The following RAB35 variants were observed in gnomAD, a reference collection of about 807,000 sequenced individuals.
RAB35 encodes ras-related protein Rab-35.
In RAB35, 4 loss-of-function variants were observed where a neutral mutation model predicts 28.9. The ratio of observed to expected loss-of-function variants is 0.14; its 90% CI spans 0.07 to 0.32. The LOEUF is 0.32. Among genes scored for constraint, RAB35 ranks in the 10% least tolerant of loss-of-function variants. The pLI, the probability that RAB35 is intolerant of heterozygous loss-of-function variation, is 1.00. For missense variants in RAB35, 128 were observed against 274.0 expected (o/e 0.47, Z 3.76); for synonymous variants, 99 against 105.1 (o/e 0.94, Z 0.35).
chr12:120,112,121 C>T (rs185704386), intron 1 of RAB35, among the ~76,000 whole-genome samples: 329 of 152,160 alleles, frequency 2.2e-3, no homozygotes, highest in Non-Finnish European at 3.6e-3. Flanking sequence ...GGATTACAGG[C>T]GCCCGCCATC....
At chr12:120,112,920 C>T (rs1468296222) in intron 1 of RAB35, among the ~76,000 whole-genome samples, 3 of 148,174 alleles carry the variant, frequency 2.0e-5, no homozygotes, top group Non-Finnish European at 4.5e-5. Flanking sequence ...GATGAAGTCT[C>T]GCTCTTGTCC....
intron 1 of RAB35, among the ~76,000 whole-genome samples, chr12:120,116,245 G>A (rs1387434243): frequency 6.6e-6 from 1 of 152,208 alleles, no homozygotes; most frequent in Non-Finnish European, 1.5e-5. Flanking sequence ...AGGGAACTGA[G>A]GCTCAGGACG....
At chr12:120,116,270 C>T (rs1033929774) in intron 1 of RAB35, among the ~76,000 whole-genome samples, 3 of 152,144 alleles carry the variant, frequency 2.0e-5, no homozygotes, top group African/African-American at 7.2e-5. Context: ...AGCAACTTGC[C>T]CAAGGTCAGC....
At chr12:120,100,038 C>G (rs893683338) in intron 3 of RAB35, among the ~76,000 whole-genome samples, 2 of 152,254 alleles carry the variant, frequency 1.3e-5, no homozygotes, top group African/African-American at 2.4e-5. Flanking sequence ...GGACAGCACA[C>G]AGACAAACCA....
At position 120,106,859 on chromosome 12, in the gene RAB35, T is replaced by C. The variant is rs907267768; in HGVS notation, c.103+1558A>G. Among the ~76,000 whole-genome samples the C allele has an allele frequency of 4.6e-4, 70 of 151,810 alleles. 2 individuals carry two copies. Among genetic ancestry groups the C allele is most frequent in the Non-Finnish European group, 1.6e-4 (11 of 67,954 alleles). The stretch of plus-strand genomic sequence containing the variant: ...GCCTCGGCCTCCCAAAGTGCTAGGA[T>C]TACAGGCGTGAGCCACCGCGCCTGG... On this transcript the variant is annotated intron_variant, in intron 2 of 5. Coordinates refer to ENST00000229340, the MANE Select transcript of RAB35 (RefSeq NM_006861.7).
chr12:120,100,636 G>A (rs1875620246), intron 3 of RAB35, among the ~76,000 whole-genome samples: 1 of 152,116 alleles, frequency 6.6e-6, no homozygotes, highest in African/African-American at 2.4e-5. Flanking sequence ...ACCTGCCCCT[G>A]CCACCGCCCC....
In RAB35 at chr12:120,116,683, G is replaced by T. The variant is rs1054734056; in HGVS notation, c.-33C>A. On this transcript the variant is annotated 5_prime_UTR_variant, in exon 1 of 6. Coordinates refer to ENST00000229340, the MANE Select transcript of RAB35 (RefSeq NM_006861.7). Reference sequence around the variant, plus strand: ...GGGGGCGGTGCGCGCGGGCGGGCGGGGTCGGTACTGGCCTCGCGATCCGCA... The same window carrying T: ...GGGGGCGGTGCGCGCGGGCGGGCGGTGTCGGTACTGGCCTCGCGATCCGCA... 6.5e-6 allele frequency: 8 copies of T among 1,222,878 alleles called. No individual in the cohort carries two copies. Among genetic ancestry groups the T allele is most frequent in the African/African-American group, 1.6e-5 (1 of 63,890 alleles). 75.8% of individuals were successfully genotyped at this position (1,222,878 alleles called of 1,614,324 possible). A position where few individuals can be genotyped will look rare whatever the true frequency, so the allele number is the denominator to read the frequency against.
At chr12:120,111,223 G>A (rs188357609) in intron 1 of RAB35, among the ~76,000 whole-genome samples, 48 of 152,322 alleles carry the variant, frequency 3.2e-4, no homozygotes, top group Admixed American at 2.4e-3. Context: ...CCTAAGCAGG[G>A]GTTTCCAAAC....
At chr12:120,097,976 C>T (rs1018394252) in intron 5 of RAB35, among the ~76,000 whole-genome samples, 4 of 151,538 alleles carry the variant, frequency 2.6e-5, no homozygotes, top group African/African-American at 9.7e-5. Flanking sequence ...CTCTGCCTCC[C>T]TGGTTCACAC....
At chr12:120,113,193 T>A (rs960314266) in intron 1 of RAB35, among the ~76,000 whole-genome samples, 11 of 73,830 alleles carry the variant, frequency 1.5e-4, no homozygotes, top group Admixed American at 3.3e-4. Context: ...TGCCCGGCCT[T>A]TTTTTTTTTT....
In RAB35 at chr12:120,108,334, GGCAAC is replaced by G; in HGVS notation, c.103+78_103+82del. ...GAGACAGTTCCCAACATCAGGCAGAGGCAACTCTGTTTGGTGCCAGGGAGGGGATG... is the reference window on the plus strand; with the variant it reads ...GAGACAGTTCCCAACATCAGGCAGAGTCTGTTTGGTGCCAGGGAGGGGATG... On this transcript the variant is annotated intron_variant, in intron 2 of 5. Coordinates refer to ENST00000229340, the MANE Select transcript of RAB35 (RefSeq NM_006861.7). 5.7e-6 allele frequency: 8 copies of G among 1,403,734 alleles called. 1 individual carries two copies. The South Asian group carries it at 8.3e-5, about 14-fold the overall frequency. 87.0% of individuals were successfully genotyped at this position (1,403,734 alleles called of 1,614,324 possible). A position where few individuals can be genotyped will look rare whatever the true frequency, so the allele number is the denominator to read the frequency against.
At chr12:120,097,810 G>C (rs1312761788) in intron 5 of RAB35, among the ~76,000 whole-genome samples, 1 of 151,826 alleles carries the variant, frequency 6.6e-6, no homozygotes, top group African/African-American at 2.4e-5. Flanking sequence ...TGGACTTGGG[G>C]AAGTCAATCT....
intron 1 of RAB35, among the ~76,000 whole-genome samples, chr12:120,113,675 G>A (rs561066474): frequency 8.5e-4 from 129 of 152,154 alleles, no homozygotes; most frequent in Admixed American, 8.2e-3. Flanking sequence ...AAGATTAGCC[G>A]GGCATGGTGG....
At position 120,099,159 on chromosome 12, in the gene RAB35, A is replaced by G. The variant is rs1875556094; in HGVS notation, c.228-5T>C. On this transcript the variant is annotated splice_polypyrimidine_tract_variant and splice_region_variant and intron_variant, in intron 3 of 5. Coordinates refer to ENST00000229340, the MANE Select transcript of RAB35 (RefSeq NM_006861.7). ...CCGTGGGTCCCCCGATAATACCTGCAGGGCCAGAGTGTGCGGCAGCATGTC... is the reference window on the plus strand; with the variant it reads ...CCGTGGGTCCCCCGATAATACCTGCGGGGCCAGAGTGTGCGGCAGCATGTC... 1.2e-6 allele frequency: 2 copies of G among 1,614,064 alleles called. No individual in the cohort carries two copies. Among genetic ancestry groups the G allele is most frequent in the African/African-American group, 1.3e-5 (1 of 74,956 alleles).
chr12:120,099,251 G>C (rs1460656991), intron 3 of RAB35, 97 bp from the exon 4 acceptor site: 30 of 1,514,938 alleles, frequency 2.0e-5, no homozygotes, highest in Non-Finnish European at 2.6e-5. Context: ...ACCCGGAAAA[G>C]GTGAGGGTGG....
intron 1 of RAB35, among the ~76,000 whole-genome samples, chr12:120,111,911 C>T (rs1002946392): frequency 1.3e-5 from 2 of 152,122 alleles, no homozygotes; most frequent in African/African-American, 4.8e-5. Flanking sequence ...CACCCACCAA[C>T]CTTCACCACA....
At chr12:120,112,076 A>G (rs962014633) in intron 1 of RAB35, among the ~76,000 whole-genome samples, 10 of 151,792 alleles carry the variant, frequency 6.6e-5, no homozygotes, top group Middle Eastern at 3.4e-3. Context: ...TCCCAGATTC[A>G]AGCGATTCTC....
rs560782603 is a variant in RAB35 at position 120,095,271 on chromosome 12, A to G, written c.*1974T>C. 2.7e-5 allele frequency: 4 copies of G among 146,548 alleles called. No homozygotes were observed. Among genetic ancestry groups the G allele is most frequent in the Non-Finnish European group, 6.0e-5 (4 of 66,162 alleles). The allele number at this position is 146,548 out of a possible 1,614,324, so 9.1% of individuals were successfully genotyped here. ...CCTGAGTCCCCACCCCCACCCCATA[A>G]CCCCCATTCATGCGTGTAACAGTGG... is the stretch of plus-strand genomic sequence containing the variant. On this transcript the variant is annotated 3_prime_UTR_variant, in exon 6 of 6. Coordinates refer to ENST00000229340, the MANE Select transcript of RAB35 (RefSeq NM_006861.7).
At chr12:120,108,276 C>T in intron 2 of RAB35, 141 bp downstream of exon 2, 1 of 833,338 alleles carries the variant, frequency 1.2e-6, no homozygotes, top group African/African-American at 1.7e-5. Flanking sequence ...CTAAGCCCCA[C>T]TCCATCTTCT....
Sources: gnomAD v4.1 joint callset for allele counts (sites outside exome capture counted in the v4.1 genomes callset) on GRCh38, gnomAD v4.1.1 for gene constraint, MANE v1.5 for transcripts, NCBI Gene and HGNC (gene_info 2026-07-23, HGNC 2026-07-21) for gene names.